The following WDR70 variants were observed in gnomAD, a reference collection of about 807,000 sequenced individuals.
The protein encoded by WDR70 is WD repeat-containing protein 70.
A neutral mutation model predicts 88.6 loss-of-function variants in WDR70; 53 were observed. The observed-to-expected ratio is 0.60, with a 90% CI of 0.48 to 0.75. The LOEUF (loss-of-function observed/expected upper bound fraction) is 0.75, where lower values mean the gene tolerates loss of function less well. Among genes scored for constraint, WDR70 ranks in the 30% least tolerant of loss-of-function variants. WDR70 has a pLI of 0.00. For missense variants in WDR70, 610 were observed against 823.2 expected (o/e 0.74, Z 3.17); for synonymous variants, 280 against 270.0 (o/e 1.04, Z -0.36).
intron 9 of WDR70, among the ~76,000 whole-genome samples, chr5:37,570,782 G>A (rs897753659): frequency 1.3e-5 from 2 of 152,184 alleles, no homozygotes. Flanking sequence ...AGCACAACTT[G>A]TTCCTCCCAC....
At chr5:37,693,804 T>C (rs553061884) in intron 10 of WDR70, among the ~76,000 whole-genome samples, 1 of 152,308 alleles carries the variant, frequency 6.6e-6, no homozygotes, top group Non-Finnish European at 1.5e-5. Flanking sequence ...GGGCAAGGAC[T>C]TCATGACTAA....
Position 37,726,826 on chromosome 5 carries a change from C to T in WDR70, c.1715-57C>T, listed in dbSNP as rs1022566570. 1.1e-4 allele frequency: 163 copies of T among 1,500,454 alleles called. 1 individual carries two copies. Among genetic ancestry groups the T allele is most frequent in the Middle Eastern group, 2.3e-4 (1 of 4,318 alleles). The allele number at this position is 1,500,454 out of a possible 1,614,324, so 92.9% of individuals were successfully genotyped here. On this transcript the variant is annotated intron_variant, in intron 16 of 17. Transcript: ENST00000265107. ...GATAAGTACAGTGTACACAGATATA[C>T]CTATGTATCCTCATGCTCATTCAGT...
intron 10 of WDR70, among the ~76,000 whole-genome samples, chr5:37,649,646 G>A (rs1745336837): frequency 6.6e-6 from 1 of 151,196 alleles, no homozygotes. Context: ...TTGTCTCACT[G>A]GGTTGTCATA....
intron 8 of WDR70, chr5:37,506,163 C>A: frequency 9.6e-7 from 1 of 1,046,668 alleles, no homozygotes. Context: ...AAGGTCCTAA[C>A]GAGAAACATC....
intron 5 of WDR70, among the ~76,000 whole-genome samples, chr5:37,420,426 A>G (rs1749909028): frequency 1.3e-5 from 2 of 151,994 alleles, no homozygotes; most frequent in Admixed American, 6.6e-5. Flanking sequence ...CCAATCTTGA[A>G]AAAGATTTGT....
intron 10 of WDR70, among the ~76,000 whole-genome samples, chr5:37,671,327 A>G (rs892790486): frequency 5.9e-5 from 9 of 152,200 alleles, no homozygotes; most frequent in Admixed American, 2.6e-4. Context: ...AGAGGTACGC[A>G]TGATAGACTT....
chr5:37,636,163 A>G (rs1561931905), intron 10 of WDR70, among the ~76,000 whole-genome samples: 1 of 152,210 alleles, frequency 6.6e-6, no homozygotes. Context: ...TAACAAAACA[A>G]TGGGGGCATG....
chr5:37,452,127 A>G (rs921582889), intron 7 of WDR70, among the ~76,000 whole-genome samples: 1 of 152,240 alleles, frequency 6.6e-6, no homozygotes, highest in African/African-American at 2.4e-5. Flanking sequence ...CCCAATGGGT[A>G]TGTTAATGAT....
At chr5:37,735,225 A>C (rs910256632) in intron 17 of WDR70, among the ~76,000 whole-genome samples, 3 of 152,064 alleles carry the variant, frequency 2.0e-5, no homozygotes, top group African/African-American at 7.2e-5. Context: ...ACTTTCTTTA[A>C]ATAAGAATTA....
At chr5:37,679,698 A>G (rs1303120069) in intron 10 of WDR70, among the ~76,000 whole-genome samples, 1 of 152,192 alleles carries the variant, frequency 6.6e-6, no homozygotes, top group East Asian at 1.9e-4. Context: ...CACCCACTTG[A>G]GGAGGCAGTC....
intron 9 of WDR70, among the ~76,000 whole-genome samples, chr5:37,531,953 G>C (rs915051074): frequency 5.3e-5 from 8 of 152,070 alleles, no homozygotes; most frequent in African/African-American, 1.9e-4. Flanking sequence ...TGTTGGCCTG[G>C]TAGTGGCGAA....
At chr5:37,711,989 T>C (rs1424261267) in intron 13 of WDR70, among the ~76,000 whole-genome samples, 2 of 2,316 alleles carry the variant, frequency 8.6e-4, no homozygotes, top group Non-Finnish European at 4.9e-3. Context: ...TATTTTTTCT[T>C]TTTTTTTTTT....
At chr5:37,727,178 C>T in intron 17 of WDR70, 133 bp downstream of exon 17, 1 of 1,109,830 alleles carries the variant, frequency 9.0e-7, no homozygotes, top group African/African-American at 1.6e-5. Context: ...AGGCCAGGTA[C>T]TCATGGTCTT....
At chr5:37,722,965 ATC>A in intron 15 of WDR70, 31 bp downstream of exon 15, 1 of 1,609,284 alleles carries the variant, frequency 6.2e-7, no homozygotes, top group South Asian at 1.1e-5. Context: ...TCAATCATGC[ATC>A]TCTCTTCTAC....
At chr5:37,741,454 G>A (rs904388847) in intron 17 of WDR70, among the ~76,000 whole-genome samples, 23 of 151,994 alleles carry the variant, frequency 1.5e-4, no homozygotes, top group Non-Finnish European at 2.4e-4. Context: ...CTAGTTTCGT[G>A]GAAGACAATT....
intron 9 of WDR70, 134 bp downstream of exon 9, chr5:37,516,724 TA>T (rs67967864): frequency 0.25 from 33,445 of 133,992 alleles, 3,775 homozygotes; most frequent in East Asian, 0.43. Flanking sequence ...TATATATATA[TA>T]TTTTTTTTTT....
At chr5:37,563,681 A>ATGGGG in intron 9 of WDR70, among the ~76,000 whole-genome samples, 1 of 102,960 alleles carries the variant, frequency 9.7e-6, no homozygotes, top group Non-Finnish European at 2.1e-5. Context: ...TCCCTCCCGG[A>ATGGGG]CGGGGCGGCT....
At chr5:37,596,201 A>C (rs1405390653) in intron 9 of WDR70, among the ~76,000 whole-genome samples, 4 of 152,180 alleles carry the variant, frequency 2.6e-5, no homozygotes, top group Non-Finnish European at 5.9e-5. Context: ...GGCTCAAGAA[A>C]GGGCTAGGGA....
At chr5:37,525,150 C>G (rs1741222866) in intron 9 of WDR70, among the ~76,000 whole-genome samples, 1 of 152,180 alleles carries the variant, frequency 6.6e-6, no homozygotes, top group African/African-American at 2.4e-5. Flanking sequence ...CTACAGAACT[C>G]TCCACCCCAA....
Sources: allele counts gnomAD v4.1 joint callset (sites outside exome capture counted in the v4.1 genomes callset), GRCh38; gene constraint gnomAD v4.1.1; transcripts MANE v1.5; gene names NCBI Gene and HGNC (gene_info 2026-07-23, HGNC 2026-07-21).